Variants in REPS2 observed in about 807,000 individuals in gnomAD.
The protein encoded by REPS2 is ralBP1-associated Eps domain-containing protein 2.
Under a neutral mutation model 53.6 loss-of-function variants are expected in REPS2, and 23 were observed. That is an observed-to-expected ratio of 0.43 (90% confidence interval 0.31 to 0.61). The LOEUF (loss-of-function observed/expected upper bound fraction) is 0.61. Among genes scored for constraint, REPS2 ranks in the 20% least tolerant of loss-of-function variants. The probability of loss-of-function intolerance (pLI) is 0.11; values close to 1 mark genes in which losing one functional copy is unlikely to be tolerated. For synonymous variants in REPS2, 238 were observed against 218.6 expected, an observed-to-expected ratio of 1.09 and a Z score of -0.78; for missense variants, 446 against 534.9, an observed-to-expected ratio of 0.83 and a Z score of 1.64.
chrX:16,947,519 C>A (rs2060455717), intron 1 of REPS2, among the ~76,000 whole-genome samples: 1 of 111,951 alleles, frequency 8.9e-6, no homozygotes, highest in African/African-American at 3.3e-5. Context: ...CCTCCCTCTC[C>A]TGAGTGGGTT....
At chrX:17,119,483 A>C (rs1286877695) in intron 14 of REPS2, among the ~76,000 whole-genome samples, 2 of 112,125 alleles carry the variant, frequency 1.8e-5, no homozygotes, top group Non-Finnish European at 3.8e-5. Context: ...AAATTCATCT[A>C]ATCATTTCAT....
chrX:16,949,240 A>G (rs1194184596), intron 1 of REPS2, among the ~76,000 whole-genome samples: 1 of 111,731 alleles, frequency 9.0e-6, no homozygotes, highest in Non-Finnish European at 1.9e-5. Context: ...CCCAACAGGT[A>G]TAACTGCTCA....
rs138958069 is a variant in REPS2 at position 17,085,583 on chromosome X, T to A, written c.1516+8176T>A. 2.6e-3 allele frequency among the ~76,000 whole-genome samples: 289 copies of A among 112,422 alleles called. No homozygotes were observed. The East Asian group carries it at 0.035, about 13-fold the overall frequency. The stretch of plus-strand genomic sequence containing the variant: ...ATGTTTCAGTATACAAGTCTTGCAT[T>A]TCTTTTGTTAAATGTATTCCTAAAA... On this transcript the variant is annotated intron_variant, in intron 13 of 17. Coordinates refer to ENST00000357277, the MANE Select transcript of REPS2 (RefSeq NM_004726.3).
intron 14 of REPS2, among the ~76,000 whole-genome samples, chrX:17,117,370 C>A (rs1192513327): frequency 9.0e-6 from 1 of 110,971 alleles, no homozygotes; most frequent in Non-Finnish European, 1.9e-5. Context: ...GTGTGCTGCA[C>A]CCATTAACTC....
intron 17 of REPS2, among the ~76,000 whole-genome samples, chrX:17,144,414 A>G (rs2063486956): frequency 8.9e-6 from 1 of 112,049 alleles, no homozygotes; most frequent in Non-Finnish European, 1.9e-5. Context: ...CCCCTTATGT[A>G]CTCCCACTTT....
chrX:17,100,337 ATGC>A (rs1030961967), intron 13 of REPS2: 4 of 512,013 alleles, frequency 7.8e-6, no homozygotes. Context: ...GTAAAGGGTG[ATGC>A]TGCTCAGAGC....
chrX:17,099,955 T>A, intron 13 of REPS2: 1 of 1,159,073 alleles, frequency 8.6e-7, no homozygotes, highest in Admixed American at 2.2e-5. Flanking sequence ...GTAGCTCCAA[T>A]AATCTGCTCC....
the REPS2 span, among the ~76,000 whole-genome samples, chrX:17,166,344 T>C: frequency 7.1e-5 from 8 of 111,932 alleles, no homozygotes; most frequent in Middle Eastern, 4.6e-3. Context: ...CGTGGGCTAC[T>C]CCCCAAGAAG....
At position 17,006,327 on chromosome X, in the gene REPS2, T is replaced by C; in HGVS notation, c.380T>C (p.Ile127Thr). 1 of 1,209,641 alleles carries C rather than the reference T, an allele frequency of 8.3e-7. No homozygotes were observed. The highest frequency in any genetic ancestry group is 1.1e-6 in the Non-Finnish European group (1 of 893,797). Residue 127 changes from isoleucine to threonine, a missense_variant, in exon 2 of 18, where the codon ATA (isoleucine) becomes ACA (threonine). Coordinates refer to ENST00000357277, the MANE Select transcript of REPS2 (RefSeq NM_004726.3). ...GCACAATCTGGCCTCCCGGTACGGATAGAGAGTATTAAATGTGGTGAGTAT... is the reference window on the plus strand; with the variant it reads ...GCACAATCTGGCCTCCCGGTACGGACAGAGAGTATTAAATGTGGTGAGTAT... ...AAAQSGLPVR[I>T]ESIKCELPLP...
intron 5 of REPS2, among the ~76,000 whole-genome samples, chrX:17,037,213 G>A (rs1464969502): frequency 9.0e-6 from 1 of 111,725 alleles, no homozygotes; most frequent in East Asian, 2.8e-4. Flanking sequence ...TTTTGGGGAA[G>A]GAAACATTTA....
intron 16 of REPS2, chrX:17,138,284 G>A (rs1291307958): frequency 8.9e-6 from 1 of 112,384 alleles, no homozygotes; most frequent in South Asian, 3.7e-4. Context: ...AAAACGTTCT[G>A]TATTTTTCTC....
chrX:17,129,314 T>C (rs1013979992), intron 14 of REPS2, among the ~76,000 whole-genome samples: 3 of 112,553 alleles, frequency 2.7e-5, no homozygotes, highest in Non-Finnish European at 5.6e-5. Context: ...GGAAAGCTTA[T>C]TGTGAAGAGG....
chrX:17,188,865 T>A, the REPS2 span, among the ~76,000 whole-genome samples: 58 of 112,293 alleles, frequency 5.2e-4, no homozygotes, highest in African/African-American at 1.8e-3. Flanking sequence ...ATAGCACTTA[T>A]GTGCCAAGCA....
chrX:17,017,207 A>T (rs2061509427), intron 2 of REPS2, among the ~76,000 whole-genome samples: 1 of 111,839 alleles, frequency 8.9e-6, no homozygotes, highest in Admixed American at 9.5e-5. Context: ...TCTGAGCTCA[A>T]GAAATCTACC....
intron 8 of REPS2, among the ~76,000 whole-genome samples, chrX:17,060,251 C>T (rs762370720): frequency 6.4e-5 from 7 of 109,836 alleles, no homozygotes; most frequent in Non-Finnish European, 1.3e-4. Context: ...TGCAGTGAGC[C>T]GAGATTGCGT....
chrX:17,159,748 A>T, the REPS2 span, among the ~76,000 whole-genome samples: 1 of 111,467 alleles, frequency 9.0e-6, no homozygotes, highest in Non-Finnish European at 1.9e-5. Flanking sequence ...AGGCCGTGGC[A>T]TTGTGCTGAA....
chrX:16,958,861 T>C (rs918220324), intron 1 of REPS2, among the ~76,000 whole-genome samples: 1 of 111,603 alleles, frequency 9.0e-6, no homozygotes, highest in South Asian at 3.8e-4. Context: ...GCACAGGCTA[T>C]GAGCAGGAGT....
At chrX:17,050,198 T>TTCTTTCTTTCCTTCTTTCTTTC (rs1555926872) in intron 6 of REPS2, among the ~76,000 whole-genome samples, 1 of 22,966 alleles carries the variant, frequency 4.4e-5, no homozygotes, top group African/African-American at 2.0e-4. Context: ...TTCTTTCTTT[T>TTCTTTCTTTCCTTCTTTCTTTC]TTTTTTTTTT....
chrX:17,053,586 C>T (rs975082636), intron 7 of REPS2, among the ~76,000 whole-genome samples: 1 of 111,959 alleles, frequency 8.9e-6, no homozygotes, highest in African/African-American at 3.2e-5. Flanking sequence ...AGGCAATCCT[C>T]CTGCCTTGGT....
Sources: allele counts gnomAD v4.1 joint callset (sites outside exome capture counted in the v4.1 genomes callset), GRCh38; gene constraint gnomAD v4.1.1; transcripts MANE v1.5; gene names NCBI Gene and HGNC (gene_info 2026-07-23, HGNC 2026-07-21).